Variants in WIPF2 observed in about 807,000 individuals in gnomAD.
WIPF2 encodes WAS/WASL interacting protein family member 2, also known as WAS/WASL-interacting protein family member 2.
A neutral mutation model predicts 38.8 loss-of-function variants in WIPF2; 23 were observed. The observed-to-expected ratio is 0.59, with a 90% CI of 0.43 to 0.84. WIPF2 has a LOEUF of 0.84. WIPF2 is among the 40% of genes least tolerant of loss of function. The probability of loss-of-function intolerance (pLI) is 0.00; values close to 1 mark genes in which losing one functional copy is unlikely to be tolerated. For synonymous variants in WIPF2, 210 were observed against 223.2 expected (o/e 0.94, Z 0.53); for missense variants, 574 against 580.5 (o/e 0.99, Z 0.11).
intron 5 of WIPF2, among the ~76,000 whole-genome samples, chr17:40,268,377 T>C (rs1198139384): frequency 6.6e-6 from 1 of 151,728 alleles, no homozygotes; most frequent in Non-Finnish European, 1.5e-5. Flanking sequence ...AGGTTTGACT[T>C]TTTTTTTAAC....
At chr17:40,255,265 G>T (rs533247359) in intron 1 of WIPF2, among the ~76,000 whole-genome samples, 2 of 152,076 alleles carry the variant, frequency 1.3e-5, no homozygotes, top group African/African-American at 4.8e-5. Context: ...GAAGTGAGAT[G>T]ATTGCTTGAG....
chr17:40,254,506 G>A (rs2031660017), intron 1 of WIPF2, among the ~76,000 whole-genome samples: 1 of 152,094 alleles, frequency 6.6e-6, no homozygotes, highest in Non-Finnish European at 1.5e-5. Flanking sequence ...TGTGGGGGTA[G>A]TTATTGTTCT....
At chr17:40,230,781 CTG>C (rs1282172500) in intron 1 of WIPF2, among the ~76,000 whole-genome samples, 3 of 152,058 alleles carry the variant, frequency 2.0e-5, no homozygotes, top group Non-Finnish European at 2.9e-5. Flanking sequence ...GGAATGTTGA[CTG>C]TTTTAAAAAT....
intron 1 of WIPF2, among the ~76,000 whole-genome samples, chr17:40,241,465 T>G (rs1598476130): frequency 6.6e-6 from 1 of 152,222 alleles, no homozygotes; most frequent in East Asian, 1.9e-4. Flanking sequence ...AATTAGCATG[T>G]GTGTCTTTCC....
intron 4 of WIPF2, among the ~76,000 whole-genome samples, chr17:40,263,488 T>C (rs367833965): frequency 2.6e-5 from 4 of 151,964 alleles, no homozygotes; most frequent in South Asian, 4.2e-4. Flanking sequence ...TTATACTTAA[T>C]GTATATTTCA....
chr17:40,228,601 G>C (rs1374019785), intron 1 of WIPF2, among the ~76,000 whole-genome samples: 3 of 151,366 alleles, frequency 2.0e-5, no homozygotes, highest in African/African-American at 7.3e-5. Context: ...GGATGCAGGG[G>C]ATGCAGATAG....
chr17:40,238,688 C>T (rs2031073192), intron 1 of WIPF2, among the ~76,000 whole-genome samples: 1 of 151,948 alleles, frequency 6.6e-6, no homozygotes, highest in Non-Finnish European at 1.5e-5. Flanking sequence ...TCTCGGCTCA[C>T]TGCAAACCTC....
chr17:40,266,237 CAAAA>C (rs973061072), intron 5 of WIPF2, among the ~76,000 whole-genome samples: 2 of 62,340 alleles, frequency 3.2e-5, no homozygotes, highest in East Asian at 3.8e-4. Flanking sequence ...CAGTCCATCT[CAAAA>C]AAAAAAAAAA....
chr17:40,234,536 C>T (rs985492755), intron 1 of WIPF2, among the ~76,000 whole-genome samples: 2 of 152,168 alleles, frequency 1.3e-5, no homozygotes, highest in South Asian at 2.1e-4. Flanking sequence ...GTGGGAGGAT[C>T]ACTTGAGCTG....
At chr17:40,223,819 T>A (rs1281170845) in intron 1 of WIPF2, among the ~76,000 whole-genome samples, 1 of 151,996 alleles carries the variant, frequency 6.6e-6, no homozygotes, top group Admixed American at 6.6e-5. Context: ...ACTTCTGACC[T>A]TGTGATCTGC....
intron 5 of WIPF2, among the ~76,000 whole-genome samples, chr17:40,272,022 C>CTT (rs112586864): frequency 2.0e-4 from 29 of 142,256 alleles, no homozygotes; most frequent in Admixed American, 2.8e-4. Flanking sequence ...TGAACATTTT[C>CTT]TTTTTTTTTT....
At chr17:40,257,902 T>C (rs945693413) in intron 2 of WIPF2, among the ~76,000 whole-genome samples, 3 of 152,162 alleles carry the variant, frequency 2.0e-5, no homozygotes, top group African/African-American at 7.2e-5. Context: ...ATGTTAAGTG[T>C]TTAACAGTTG....
intron 5 of WIPF2, among the ~76,000 whole-genome samples, chr17:40,269,244 C>T (rs1042163330): frequency 3.3e-5 from 5 of 152,148 alleles, no homozygotes; most frequent in South Asian, 4.1e-4. Flanking sequence ...CGCTTGAACC[C>T]GGGAGATTGT....
intron 1 of WIPF2, among the ~76,000 whole-genome samples, chr17:40,239,676 T>C (rs896944184): frequency 1.3e-5 from 2 of 151,722 alleles, no homozygotes; most frequent in Non-Finnish European, 2.9e-5. Flanking sequence ...CTTTGGACTC[T>C]TTGGTTCAGC....
At chr17:40,247,811 C>T (rs1050244747) in intron 1 of WIPF2, among the ~76,000 whole-genome samples, 6 of 152,144 alleles carry the variant, frequency 3.9e-5, no homozygotes, top group Non-Finnish European at 8.8e-5. Context: ...TGAGCCAGTG[C>T]ACCCAGCCTC....
intron 2 of WIPF2, among the ~76,000 whole-genome samples, chr17:40,257,382 G>A (rs1002807551): frequency 2.6e-5 from 4 of 152,060 alleles, no homozygotes; most frequent in African/African-American, 7.2e-5. Flanking sequence ...TTATCAAGAA[G>A]GAAAGGAGTT....
chr17:40,229,111 G>A (rs181224745), intron 1 of WIPF2, among the ~76,000 whole-genome samples: 179 of 151,524 alleles, frequency 1.2e-3, no homozygotes, highest in Non-Finnish European at 2.0e-3. Context: ...AGTTGCCCAG[G>A]CTGGTCTTTT....
At chr17:40,237,232 C>T (rs748466761) in intron 1 of WIPF2, among the ~76,000 whole-genome samples, 7 of 145,826 alleles carry the variant, frequency 4.8e-5, no homozygotes, top group Admixed American at 4.1e-4. Context: ...TTTTCCTATT[C>T]AATTTTTCCT....
intron 1 of WIPF2, among the ~76,000 whole-genome samples, chr17:40,221,294 T>C (rs1412176262): frequency 5.3e-5 from 8 of 152,152 alleles, no homozygotes; most frequent in African/African-American, 1.9e-4. Context: ...ATTTAGTAAA[T>C]AACTTCAAGG....
Sources: allele counts gnomAD v4.1 joint callset (sites outside exome capture counted in the v4.1 genomes callset), GRCh38; gene constraint gnomAD v4.1.1; transcripts MANE v1.5; gene names NCBI Gene and HGNC (gene_info 2026-07-23, HGNC 2026-07-21).